Variants in FBXL17 observed in about 807,000 individuals in gnomAD.
FBXL17 encodes F-box/LRR-repeat protein 17.
Under a neutral mutation model 66.2 loss-of-function variants are expected in FBXL17, and 22 were observed. The ratio of observed to expected loss-of-function variants is 0.33; its 90% CI spans 0.24 to 0.47. The LOEUF is 0.47. FBXL17 is among the 20% of genes least tolerant of loss of function. FBXL17 has a pLI of 1.00. For synonymous variants in FBXL17, 474 were observed against 400.5 expected (o/e 1.18, Z -2.19); for missense variants, 878 against 948.2 (o/e 0.93, Z 0.97).
At chr5:108,018,815 GA>G (rs1048741346) in intron 7 of FBXL17, among the ~76,000 whole-genome samples, 2 of 152,224 alleles carry the variant, frequency 1.3e-5, no homozygotes, top group Admixed American at 1.3e-4. Flanking sequence ...AACTTTGCCT[GA>G]CATTATCTTC....
At chr5:108,038,091 T>C (rs1320604387) in intron 6 of FBXL17, among the ~76,000 whole-genome samples, 1 of 152,018 alleles carries the variant, frequency 6.6e-6, no homozygotes, top group African/African-American at 2.4e-5. Flanking sequence ...ATAAATGACA[T>C]GCAAAAATAG....
At chr5:108,218,702 T>A (rs1293161553) in intron 5 of FBXL17, among the ~76,000 whole-genome samples, 1 of 151,816 alleles carries the variant, frequency 6.6e-6, no homozygotes, top group Admixed American at 6.6e-5. Context: ...TTTTTTTTCA[T>A]ATACTTGCTG....
chr5:107,935,915 T>A (rs562867051), intron 7 of FBXL17, among the ~76,000 whole-genome samples: 17 of 152,196 alleles, frequency 1.1e-4, no homozygotes, highest in Admixed American at 9.8e-4. Flanking sequence ...ATTAGAACTG[T>A]TTGCAAGCTC....
At chr5:108,362,796 T>C (rs1199251807) in intron 3 of FBXL17, among the ~76,000 whole-genome samples, 1 of 152,116 alleles carries the variant, frequency 6.6e-6, no homozygotes, top group Admixed American at 6.6e-5. Flanking sequence ...ACATATTTGG[T>C]ATCCGCTAAA....
At chr5:108,026,830 G>C (rs1451636941) in intron 6 of FBXL17, among the ~76,000 whole-genome samples, 1 of 152,152 alleles carries the variant, frequency 6.6e-6, no homozygotes, top group African/African-American at 2.4e-5. Flanking sequence ...AATTAGAAAA[G>C]CAGTGTTTTG....
chr5:108,086,135 T>C (rs1439552312), intron 6 of FBXL17, among the ~76,000 whole-genome samples: 5 of 152,074 alleles, frequency 3.3e-5, no homozygotes, highest in Admixed American at 3.3e-4. Context: ...ACAGTCTCCC[T>C]TCTCCCTTGA....
At chr5:107,894,242 T>C (rs939299410) in intron 7 of FBXL17, among the ~76,000 whole-genome samples, 1 of 152,226 alleles carries the variant, frequency 6.6e-6, no homozygotes, top group African/African-American at 2.4e-5. Flanking sequence ...ATCCAGCTGA[T>C]GAATTAGCTT....
chr5:108,309,827 T>A (rs1759030917), intron 4 of FBXL17, among the ~76,000 whole-genome samples: 1 of 152,060 alleles, frequency 6.6e-6, no homozygotes, highest in Non-Finnish European at 1.5e-5. Flanking sequence ...GTTTCTTTAG[T>A]GAGAAGGTAC....
chr5:108,265,968 C>T (rs1288423529), intron 4 of FBXL17, among the ~76,000 whole-genome samples: 4 of 152,130 alleles, frequency 2.6e-5, no homozygotes, highest in African/African-American at 4.8e-5. Flanking sequence ...TCTTCATATA[C>T]AGAAATACTT....
chr5:107,920,818 A>C, intron 7 of FBXL17, among the ~76,000 whole-genome samples: 1 of 152,244 alleles, frequency 6.6e-6, no homozygotes, highest in Non-Finnish European at 1.5e-5. Flanking sequence ...ACCAAGGCTA[A>C]GTGTTTAAGA....
At chr5:107,934,137 T>C (rs1258809028) in intron 7 of FBXL17, among the ~76,000 whole-genome samples, 1 of 152,176 alleles carries the variant, frequency 6.6e-6, no homozygotes, top group Non-Finnish European at 1.5e-5. Context: ...TAATTTTATT[T>C]ACCTTTTTTA....
chr5:108,374,932 C>G (rs1458199403), intron 1 of FBXL17, among the ~76,000 whole-genome samples: 2 of 151,832 alleles, frequency 1.3e-5, no homozygotes, highest in Non-Finnish European at 2.9e-5. Context: ...AAACTTCTAC[C>G]TCAAGAAACT....
intron 4 of FBXL17, among the ~76,000 whole-genome samples, chr5:108,226,743 T>C (rs1580651280): frequency 3.3e-5 from 5 of 152,178 alleles, no homozygotes; most frequent in Admixed American, 3.3e-4. Context: ...AAGGTCTGAA[T>C]AGAATAAAAA....
chr5:107,951,765 G>A (rs1463264438), intron 7 of FBXL17, among the ~76,000 whole-genome samples: 1 of 152,196 alleles, frequency 6.6e-6, no homozygotes, highest in East Asian at 1.9e-4. Flanking sequence ...ATTAAATAGT[G>A]TATTAAAGCA....
chr5:108,338,675 C>G (rs141866037), intron 4 of FBXL17, among the ~76,000 whole-genome samples: 95 of 152,140 alleles, frequency 6.2e-4, no homozygotes, highest in African/African-American at 2.2e-3. Flanking sequence ...AAAAAAGTAT[C>G]GAAACAGTAT....
chr5:107,993,949 T>C (rs1049627344), intron 7 of FBXL17, among the ~76,000 whole-genome samples: 1 of 152,220 alleles, frequency 6.6e-6, no homozygotes, highest in Non-Finnish European at 1.5e-5. Context: ...CCCCTCATAG[T>C]GTCCCTCTCA....
intron 7 of FBXL17, among the ~76,000 whole-genome samples, chr5:107,911,492 T>C (rs900682944): frequency 3.9e-4 from 59 of 152,148 alleles, no homozygotes; most frequent in African/African-American, 1.3e-3. Flanking sequence ...GTGTTTATTC[T>C]GTGCCAGGTA....
intron 7 of FBXL17, among the ~76,000 whole-genome samples, chr5:108,017,540 G>A (rs1302407915): frequency 1.3e-5 from 2 of 152,162 alleles, no homozygotes; most frequent in African/African-American, 4.8e-5. Context: ...TTTCACTAAC[G>A]TATGTGGCAT....
chr5:108,380,530 T>C (rs1396982042), intron 1 of FBXL17, among the ~76,000 whole-genome samples, 169 bp downstream of exon 1: 2 of 151,936 alleles, frequency 1.3e-5, no homozygotes, highest in African/African-American at 4.8e-5. Flanking sequence ...CTTCAAAAAA[T>C]AGGCCATAGG....
Sources: allele counts gnomAD v4.1 joint callset (sites outside exome capture counted in the v4.1 genomes callset), GRCh38; gene constraint gnomAD v4.1.1; transcripts MANE v1.5; gene names NCBI Gene and HGNC (gene_info 2026-07-23, HGNC 2026-07-21).